TPTE: variants seen among roughly 807,000 people sequenced by gnomAD.
TPTE encodes putative tyrosine-protein phosphatase TPTE.
A neutral mutation model predicts 84.1 loss-of-function variants in TPTE; 59 were observed. That is an observed-to-expected ratio of 0.70 (90% CI 0.57 to 0.87). TPTE has a LOEUF of 0.87. Among genes scored for constraint, TPTE ranks in the 40% least tolerant of loss-of-function variants. TPTE has a pLI of 0.00. For synonymous variants in TPTE, 130 were observed against 223.5 expected (o/e 0.58, Z 3.73); for missense variants, 382 against 659.6 (o/e 0.58, Z 4.61).
chr21:10,578,810 G>A (rs577988273), intron 17 of TPTE, among the ~76,000 whole-genome samples: 1 of 152,306 alleles, frequency 6.6e-6, no homozygotes, highest in African/African-American at 2.4e-5. Context: ...AGGAAGGGAA[G>A]AAAGTAAGAA....
intron 3 of TPTE, among the ~76,000 whole-genome samples, chr21:10,536,757 G>C (rs2074274145): frequency 6.6e-6 from 1 of 152,302 alleles, no homozygotes; most frequent in African/African-American, 2.4e-5. Context: ...GATAAAAAAG[G>C]AACAGGGCAA....
At chr21:10,545,808 T>C (rs2074455997) in intron 7 of TPTE, among the ~76,000 whole-genome samples, 1 of 151,726 alleles carries the variant, frequency 6.6e-6, no homozygotes, top group Non-Finnish European at 1.5e-5. Flanking sequence ...TATTTAAATG[T>C]GTGTATATAT....
At chr21:10,525,867 C>A (rs1407659989) in intron 2 of TPTE, among the ~76,000 whole-genome samples, 3 of 152,306 alleles carry the variant, frequency 2.0e-5, no homozygotes, top group Non-Finnish European at 4.4e-5. Flanking sequence ...TGTCTCGTGC[C>A]CTTTTTGGAG....
chr21:10,601,273 G>T (rs538100428), intron 21 of TPTE, among the ~76,000 whole-genome samples: 2 of 152,312 alleles, frequency 1.3e-5, no homozygotes, highest in East Asian at 1.9e-4. Flanking sequence ...GGGAGGCCAG[G>T]GCAGGTGGAT....
At chr21:10,576,714 T>C (rs1340132956) in intron 14 of TPTE, 1 of 152,450 alleles carries the variant, frequency 6.6e-6, no homozygotes, top group Non-Finnish European at 1.5e-5. Context: ...CAGAGATATA[T>C]ACGTATGTGT....
intron 17 of TPTE, among the ~76,000 whole-genome samples, chr21:10,589,457 T>A (rs1439126088): frequency 6.6e-6 from 1 of 151,622 alleles, no homozygotes; most frequent in African/African-American, 2.4e-5. Context: ...TACACATTAA[T>A]CTGAGCTCCC....
At chr21:10,535,983 A>C (rs988749702) in intron 3 of TPTE, among the ~76,000 whole-genome samples, 8 of 152,312 alleles carry the variant, frequency 5.3e-5, no homozygotes, top group African/African-American at 1.7e-4. Context: ...TTACATTAGA[A>C]ATAAATGCCA....
At chr21:10,580,580 C>T (rs1367909999) in intron 17 of TPTE, among the ~76,000 whole-genome samples, 1 of 152,310 alleles carries the variant, frequency 6.6e-6, no homozygotes, top group African/African-American at 2.4e-5. Flanking sequence ...TATTCAGTTT[C>T]CCCAGTATCG....
At chr21:10,541,424 G>C (rs2074367399) in intron 5 of TPTE, among the ~76,000 whole-genome samples, 1 of 152,284 alleles carries the variant, frequency 6.6e-6, no homozygotes, top group African/African-American at 2.4e-5. Context: ...AGTGAGCTGA[G>C]AACATGCCGC....
intron 14 of TPTE, among the ~76,000 whole-genome samples, chr21:10,573,798 T>C (rs2075094003): frequency 6.6e-6 from 1 of 152,310 alleles, no homozygotes; most frequent in Non-Finnish European, 1.5e-5. Flanking sequence ...CCCCATGTGG[T>C]CTCTCATTCT....
chr21:10,598,780 TAAC>T (rs2075637169), intron 21 of TPTE, among the ~76,000 whole-genome samples: 1 of 152,310 alleles, frequency 6.6e-6, no homozygotes, highest in African/African-American at 2.4e-5. Context: ...CATGGTCTAA[TAAC>T]CATAAACTTT....
chr21:10,575,930 A>G (rs1399546442), intron 14 of TPTE, among the ~76,000 whole-genome samples: 1 of 152,306 alleles, frequency 6.6e-6, no homozygotes. Context: ...AAAAGCCAAA[A>G]AATAACATGC....
At chr21:10,551,559 T>G (rs1168097131) in intron 7 of TPTE, among the ~76,000 whole-genome samples, 1 of 152,296 alleles carries the variant, frequency 6.6e-6, no homozygotes, top group African/African-American at 2.4e-5. Context: ...CCCCAAATTA[T>G]TAAAAGGAAA....
chr21:10,579,757 A>G (rs559334043), intron 17 of TPTE, among the ~76,000 whole-genome samples: 195 of 152,090 alleles, frequency 1.3e-3, no homozygotes, highest in African/African-American at 4.5e-3. Flanking sequence ...TATATATACC[A>G]TATATTATTT....
intron 7 of TPTE, among the ~76,000 whole-genome samples, chr21:10,546,745 A>G (rs1187994810): frequency 6.6e-6 from 1 of 152,308 alleles, no homozygotes; most frequent in African/African-American, 2.4e-5. Context: ...AATCCAGGAC[A>G]AGGCCCTCAC....
At chr21:10,601,841 ACT>A (rs1417362189) in intron 21 of TPTE, among the ~76,000 whole-genome samples, 23 of 152,354 alleles carry the variant, frequency 1.5e-4, no homozygotes, top group African/African-American at 5.5e-4. Context: ...TGACAGTGAG[ACT>A]CTGTCTCAGA....
At chr21:10,596,469 T>G (rs11909261) in intron 20 of TPTE, among the ~76,000 whole-genome samples, 3,452 of 145,152 alleles carry the variant, frequency 0.024, no homozygotes, top group African/African-American at 0.077. Flanking sequence ...TAGTTCAGAG[T>G]TTGCCTTGGT....
At chr21:10,522,066 C>T (rs1048505297) in intron 1 of TPTE, among the ~76,000 whole-genome samples, 1 of 151,792 alleles carries the variant, frequency 6.6e-6, no homozygotes, top group African/African-American at 2.4e-5. Context: ...GCGCCCCCCG[C>T]CCGCGCCAGC....
chr21:10,538,846 C>A, intron 4 of TPTE, 112 bp downstream of exon 4: 2 of 1,607,652 alleles, frequency 1.2e-6, no homozygotes, highest in Non-Finnish European at 1.7e-6. Context: ...ATGCATCCAT[C>A]CGTACACACT....
Sources: gnomAD v4.1 joint callset for allele counts (sites outside exome capture counted in the v4.1 genomes callset) on GRCh38, gnomAD v4.1.1 for gene constraint, MANE v1.5 for transcripts, NCBI Gene and HGNC (gene_info 2026-07-23, HGNC 2026-07-21) for gene names.